The following EHBP1 variants were observed in gnomAD, a reference collection of about 807,000 sequenced individuals.
EHBP1 encodes EH domain binding protein 1.
A neutral mutation model predicts 144.0 loss-of-function variants in EHBP1; 55 were observed. The observed-to-expected ratio is 0.38, with a 90% CI of 0.31 to 0.48. EHBP1 has a LOEUF of 0.48. Among genes scored for constraint, EHBP1 ranks in the 20% least tolerant of loss-of-function variants. The pLI, the probability that EHBP1 is intolerant of heterozygous loss-of-function variation, is 0.98. For synonymous variants in EHBP1, 469 were observed against 472.7 expected (o/e 0.99, Z 0.10); for missense variants, 1,200 against 1,364.2 (o/e 0.88, Z 1.90).
intron 10 of EHBP1, among the ~76,000 whole-genome samples, chr2:62,884,968 T>C (rs1260812727): frequency 6.6e-6 from 1 of 152,242 alleles, no homozygotes; most frequent in Non-Finnish European, 1.5e-5. Context: ...TCTGGGCCAA[T>C]TGGTTTTATT....
intron 13 of EHBP1, among the ~76,000 whole-genome samples, chr2:62,949,997 G>A (rs1158240990): frequency 6.6e-6 from 1 of 152,090 alleles, no homozygotes; most frequent in Non-Finnish European, 1.5e-5. Flanking sequence ...TAGATTATTT[G>A]ATCAGATAAC....
intron 14 of EHBP1, among the ~76,000 whole-genome samples, chr2:62,958,716 A>T (rs758757196): frequency 1.1e-3 from 165 of 152,330 alleles, no homozygotes; most frequent in African/African-American, 7.9e-4. Context: ...TTACAAGCAA[A>T]AGTTTTAAAA....
At chr2:62,800,111 C>T (rs1478471401) in intron 5 of EHBP1, among the ~76,000 whole-genome samples, 1 of 152,200 alleles carries the variant, frequency 6.6e-6, no homozygotes, top group Non-Finnish European at 1.5e-5. Context: ...TCTTTCGTCT[C>T]CACCTCTCTG....
At chr2:63,005,129 T>A (rs1287818792) in intron 19 of EHBP1, among the ~76,000 whole-genome samples, 1 of 152,112 alleles carries the variant, frequency 6.6e-6, no homozygotes, top group Non-Finnish European at 1.5e-5. Flanking sequence ...TGGAGAGTTA[T>A]CTATTTAATC....
chr2:62,843,204 G>A (rs2048042937), intron 7 of EHBP1, among the ~76,000 whole-genome samples: 1 of 152,052 alleles, frequency 6.6e-6, no homozygotes, highest in Non-Finnish European at 1.5e-5. Flanking sequence ...CTAGCTTCCA[G>A]CACATTATCT....
chr2:62,950,628 A>G (rs1385356162), intron 13 of EHBP1, among the ~76,000 whole-genome samples: 9 of 152,172 alleles, frequency 5.9e-5, no homozygotes, highest in Non-Finnish European at 1.2e-4. Context: ...GGGATCCTCA[A>G]TAATTTTTAA....
chr2:62,692,488 C>A (rs2033938934), intron 1 of EHBP1, among the ~76,000 whole-genome samples: 1 of 152,170 alleles, frequency 6.6e-6, no homozygotes, highest in Admixed American at 6.6e-5. Context: ...TTTTTACAAT[C>A]TTGCCAGCAA....
intron 1 of EHBP1, among the ~76,000 whole-genome samples, chr2:62,683,792 C>T (rs2033622217): frequency 6.6e-6 from 1 of 151,284 alleles, no homozygotes; most frequent in African/African-American, 2.4e-5. Flanking sequence ...TTGCCTAGAA[C>T]AGCTCAAGAA....
At chr2:62,762,630 T>C (rs919049079) in intron 3 of EHBP1, among the ~76,000 whole-genome samples, 2 of 152,200 alleles carry the variant, frequency 1.3e-5, no homozygotes, top group Non-Finnish European at 2.9e-5. Context: ...TTGTCTCTTA[T>C]AATCAGGCAG....
intron 10 of EHBP1, among the ~76,000 whole-genome samples, chr2:62,890,723 G>C (rs1454199131): frequency 6.6e-6 from 1 of 152,160 alleles, no homozygotes; most frequent in Non-Finnish European, 1.5e-5. Flanking sequence ...CATAGTATTT[G>C]AAGTCCTAGT....
intron 21 of EHBP1, 167 bp from the exon 22 acceptor site, chr2:63,044,899 G>T (rs1195426726): frequency 1.7e-6 from 1 of 578,844 alleles, no homozygotes; most frequent in East Asian, 2.9e-5. Flanking sequence ...TTTTAGCGAG[G>T]AAGCCTTCAC....
chr2:62,742,200 C>T (rs977213220), intron 2 of EHBP1, among the ~76,000 whole-genome samples: 23 of 152,054 alleles, frequency 1.5e-4, no homozygotes, highest in African/African-American at 5.6e-4. Flanking sequence ...CCTAATGATG[C>T]ATTTTCTCAG....
chr2:62,858,441 G>T (rs981010274), intron 7 of EHBP1: 3 of 1,611,052 alleles, frequency 1.9e-6, no homozygotes, highest in Non-Finnish European at 2.5e-6. Flanking sequence ...GAGCAGCTTA[G>T]ATGAAGATCA....
chr2:62,767,206 A>G (rs2041260683), intron 4 of EHBP1, among the ~76,000 whole-genome samples: 1 of 152,178 alleles, frequency 6.6e-6, no homozygotes, highest in Non-Finnish European at 1.5e-5. Flanking sequence ...ATACAGGTAT[A>G]AAAATGAAGG....
At chr2:62,719,357 A>AT (rs1156820160) in intron 2 of EHBP1, among the ~76,000 whole-genome samples, 6 of 150,744 alleles carry the variant, frequency 4.0e-5, no homozygotes, top group Non-Finnish European at 5.9e-5. Context: ...AGATCTGCTC[A>AT]TTTTTTTTTC....
chr2:63,031,692 G>C (rs903529858), intron 19 of EHBP1, among the ~76,000 whole-genome samples: 7 of 152,168 alleles, frequency 4.6e-5, no homozygotes, highest in Non-Finnish European at 1.0e-4. Flanking sequence ...ACTTTGGAAG[G>C]CCGAGGTGGG....
intron 1 of EHBP1, among the ~76,000 whole-genome samples, chr2:62,688,762 C>T (rs1364741507): frequency 6.6e-6 from 1 of 152,076 alleles, no homozygotes; most frequent in Non-Finnish European, 1.5e-5. Flanking sequence ...TTCCTCCTAC[C>T]CAGGCTAATC....
chr2:62,694,922 T>C (rs1021991523), intron 1 of EHBP1, among the ~76,000 whole-genome samples: 2 of 152,178 alleles, frequency 1.3e-5, no homozygotes, highest in African/African-American at 4.8e-5. Flanking sequence ...GTCACACATA[T>C]ATGTATATGT....
Position 62,707,171 on chromosome 2 carries a change from C to A in EHBP1, c.-21C>A. The A allele has an allele frequency of 6.2e-7, 1 of 1,602,060 alleles. No homozygotes were observed. The highest frequency in any genetic ancestry group is 8.6e-7 in the Non-Finnish European group (1 of 1,168,992). Reference sequence around the variant, plus strand: ...GCTGTATTGCTAACCCAGAACTGCTCCAGTGTCTTGACTGATCATCATGGC... The same window carrying A: ...GCTGTATTGCTAACCCAGAACTGCTACAGTGTCTTGACTGATCATCATGGC... On this transcript the variant is annotated 5_prime_UTR_variant, in exon 2 of 23. Coordinates refer to ENST00000431489, the MANE Select transcript of EHBP1 (RefSeq NM_001142616.3).
Sources: allele counts gnomAD v4.1 joint callset (sites outside exome capture counted in the v4.1 genomes callset), GRCh38; gene constraint gnomAD v4.1.1; transcripts MANE v1.5; gene names NCBI Gene and HGNC (gene_info 2026-07-23, HGNC 2026-07-21).